The following TAS2R1 variants were observed in gnomAD, a reference collection of about 807,000 sequenced individuals.
TAS2R1 encodes taste receptor type 2 member 1.
For synonymous variants in TAS2R1, 141 were observed against 134.2 expected, an observed-to-expected ratio of 1.05 and a Z score of -0.35; for missense variants, 370 against 353.4, an observed-to-expected ratio of 1.05 and a Z score of -0.38.
the TAS2R1 span, among the ~76,000 whole-genome samples, chr5:9,776,610 C>T: frequency 4.6e-5 from 7 of 152,280 alleles, no homozygotes; most frequent in East Asian, 1.4e-3. Context: ...TCAGGCACAA[C>T]CACCCATGAA....
At chr5:9,832,267 C>T in the TAS2R1 span, among the ~76,000 whole-genome samples, 5 of 152,268 alleles carry the variant, frequency 3.3e-5, no homozygotes, top group South Asian at 1.0e-3. Context: ...GTCCGCATGC[C>T]CTCCTTATTC....
At chr5:9,851,789 C>T in the TAS2R1 span, among the ~76,000 whole-genome samples, 2 of 152,198 alleles carry the variant, frequency 1.3e-5, no homozygotes, top group African/African-American at 4.8e-5. Flanking sequence ...CCATACAGGG[C>T]TGTGACATGT....
chr5:9,696,736 G>A (rs747523500), intron 1 of TAS2R1, among the ~76,000 whole-genome samples: 1 of 151,974 alleles, frequency 6.6e-6, no homozygotes, highest in South Asian at 2.1e-4. Context: ...TCGCAAGGCC[G>A]GGTGTGGTGG....
the TAS2R1 span, among the ~76,000 whole-genome samples, chr5:9,868,018 C>T: frequency 6.6e-6 from 1 of 152,192 alleles, no homozygotes; most frequent in Non-Finnish European, 1.5e-5. Context: ...GAAGTGGGCT[C>T]CAAGGCCTTG....
At chr5:9,796,491 T>C in the TAS2R1 span, among the ~76,000 whole-genome samples, 2 of 152,026 alleles carry the variant, frequency 1.3e-5, no homozygotes, top group Non-Finnish European at 2.9e-5. Context: ...TGAACAACTG[T>C]CTGGGTTTTA....
chr5:9,702,158 C>T (rs1414059497), intron 1 of TAS2R1, among the ~76,000 whole-genome samples: 1 of 152,194 alleles, frequency 6.6e-6, no homozygotes, highest in African/African-American at 2.4e-5. Context: ...AAATAAAAAT[C>T]TATCAAAGAC....
At chr5:9,667,539 G>A (rs1740659778) in intron 1 of TAS2R1, among the ~76,000 whole-genome samples, 1 of 152,204 alleles carries the variant, frequency 6.6e-6, no homozygotes, top group Non-Finnish European at 1.5e-5. Flanking sequence ...CACTTGGACA[G>A]TAGATTTGGG....
At chr5:9,823,619 A>AGAGGGAAAGGGAGGAAGGAAGG in the TAS2R1 span, among the ~76,000 whole-genome samples, 15 of 121,666 alleles carry the variant, frequency 1.2e-4, no homozygotes, top group South Asian at 3.2e-4. Context: ...GGAGGGGAGG[A>AGAGGGAAAGGGAGGAAGGAAGG]GAGGGAAAGG....
intron 1 of TAS2R1, among the ~76,000 whole-genome samples, chr5:9,702,901 C>T (rs1741521182): frequency 6.6e-6 from 1 of 151,774 alleles, no homozygotes; most frequent in African/African-American, 2.4e-5. Flanking sequence ...TCAGCATGAA[C>T]AGTTACAGGA....
At chr5:9,790,281 C>T in the TAS2R1 span, among the ~76,000 whole-genome samples, 1 of 152,230 alleles carries the variant, frequency 6.6e-6, no homozygotes, top group African/African-American at 2.4e-5. Flanking sequence ...CCCTGCCACT[C>T]TGTTTTCATG....
the TAS2R1 span, among the ~76,000 whole-genome samples, chr5:9,741,133 T>G: frequency 6.6e-6 from 1 of 152,204 alleles, no homozygotes; most frequent in African/African-American, 2.4e-5. Context: ...TTATATATTT[T>G]ATGCCACTAA....
the TAS2R1 span, among the ~76,000 whole-genome samples, chr5:9,805,275 T>C: frequency 4.0e-5 from 6 of 151,770 alleles, no homozygotes; most frequent in Admixed American, 1.3e-4. Context: ...AAATAAAACA[T>C]CCAGGACCAG....
the TAS2R1 span, among the ~76,000 whole-genome samples, chr5:9,869,796 T>C: frequency 6.6e-6 from 1 of 152,254 alleles, no homozygotes; most frequent in Non-Finnish European, 1.5e-5. Context: ...GTATCCTTTT[T>C]CTGTAATAAA....
chr5:9,894,205 C>A, the TAS2R1 span, among the ~76,000 whole-genome samples: 1 of 152,024 alleles, frequency 6.6e-6, no homozygotes, highest in Non-Finnish European at 1.5e-5. Flanking sequence ...TAGTTTGAGA[C>A]CAGCCTGGCC....
At chr5:9,796,752 A>G in the TAS2R1 span, among the ~76,000 whole-genome samples, 1 of 151,176 alleles carries the variant, frequency 6.6e-6, no homozygotes, top group Non-Finnish European at 1.5e-5. Context: ...AAAGAAAAAA[A>G]AAAAGAAAAG....
chr5:9,718,249 G>A, the TAS2R1 span, among the ~76,000 whole-genome samples: 96,690 of 151,650 alleles, frequency 0.64, 31,523 homozygotes, highest in African/African-American at 0.73. Flanking sequence ...GATTACAGGC[G>A]TGAGCCACTG....
At chr5:9,790,377 C>T in the TAS2R1 span, among the ~76,000 whole-genome samples, 3 of 151,968 alleles carry the variant, frequency 2.0e-5, no homozygotes, top group Non-Finnish European at 2.9e-5. Flanking sequence ...TAAACTCAAC[C>T]ATATAGTTAG....
chr5:9,864,446 G>A, the TAS2R1 span, among the ~76,000 whole-genome samples: 3 of 151,902 alleles, frequency 2.0e-5, no homozygotes, highest in African/African-American at 7.2e-5. Context: ...TGGCCAACAC[G>A]GTGAAACACC....
At chr5:9,862,510 T>C in the TAS2R1 span, among the ~76,000 whole-genome samples, 1 of 152,166 alleles carries the variant, frequency 6.6e-6, no homozygotes, top group Non-Finnish European at 1.5e-5. Context: ...ATTCCCTGGA[T>C]AAGGAGATTT....
Sources: allele counts gnomAD v4.1 joint callset (sites outside exome capture counted in the v4.1 genomes callset), GRCh38; gene constraint gnomAD v4.1.1; transcripts MANE v1.5; gene names NCBI Gene and HGNC (gene_info 2026-07-23, HGNC 2026-07-21).